RBFOX1: variants seen among roughly 807,000 people sequenced by gnomAD.
RBFOX1 encodes RNA binding fox-1 homolog 1, also known as RNA binding protein fox-1 homolog 1.
Under a neutral mutation model 57.7 loss-of-function variants are expected in RBFOX1, and 8 were observed. That is an observed-to-expected ratio of 0.14 (90% CI 0.08 to 0.25). The LOEUF is 0.25. RBFOX1 is among the 10% of genes least tolerant of loss of function. The probability of loss-of-function intolerance (pLI) is 1.00; values close to 1 mark genes in which losing one functional copy is unlikely to be tolerated. For synonymous variants in RBFOX1, 326 were observed against 222.4 expected (o/e 1.47, Z -4.15); for missense variants, 611 against 548.5 (o/e 1.11, Z -1.14).
intron 1 of RBFOX1, among the ~76,000 whole-genome samples, chr16:5,414,401 G>A (rs2067104796): frequency 6.6e-6 from 1 of 152,172 alleles, no homozygotes; most frequent in African/African-American, 2.4e-5. Flanking sequence ...AAGCAGAAAT[G>A]GCCATGCCAA....
chr16:6,926,739 G>A (rs974093521), intron 3 of RBFOX1, among the ~76,000 whole-genome samples: 3 of 152,162 alleles, frequency 2.0e-5, no homozygotes, highest in African/African-American at 4.8e-5. Context: ...GTGAAAGAGA[G>A]CACACTTCTT....
intron 4 of RBFOX1, among the ~76,000 whole-genome samples, chr16:7,114,094 G>A (rs951971934): frequency 1.3e-5 from 2 of 152,030 alleles, no homozygotes; most frequent in Non-Finnish European, 2.9e-5. Flanking sequence ...CTCAGACTTG[G>A]GCTATTTTAA....
intron 3 of RBFOX1, among the ~76,000 whole-genome samples, chr16:6,727,116 G>GTC (rs1223639232): frequency 1.2e-4 from 5 of 42,922 alleles, no homozygotes; most frequent in African/African-American, 2.3e-4. Context: ...AAATATATGT[G>GTC]TGTGTGTGTA....
At chr16:7,652,146 A>C (rs919378027) in intron 11 of RBFOX1, among the ~76,000 whole-genome samples, 11 of 152,146 alleles carry the variant, frequency 7.2e-5, no homozygotes, top group Admixed American at 6.5e-5. Context: ...GAGATGGGAC[A>C]AGTGTGGTCA....
At chr16:6,631,326 A>G (rs1465222539) in intron 2 of RBFOX1, among the ~76,000 whole-genome samples, 1 of 152,148 alleles carries the variant, frequency 6.6e-6, no homozygotes, top group Admixed American at 6.5e-5. Context: ...TTTAATGCAT[A>G]TTTAAGAAAA....
At chr16:7,577,966 A>C (rs2093464117) in intron 5 of RBFOX1, among the ~76,000 whole-genome samples, 1 of 152,272 alleles carries the variant, frequency 6.6e-6, no homozygotes, top group Admixed American at 6.5e-5. Flanking sequence ...GGTGTCATGC[A>C]CTAAAGTTGG....
At chr16:5,786,610 C>T (rs1413390797) in intron 3 of RBFOX1, among the ~76,000 whole-genome samples, 1 of 152,168 alleles carries the variant, frequency 6.6e-6, no homozygotes, top group Non-Finnish European at 1.5e-5. Flanking sequence ...CTGCACCTGT[C>T]TTGGTCCTAC....
chr16:7,197,530 G>A (rs1032636821), intron 4 of RBFOX1, among the ~76,000 whole-genome samples: 2 of 147,006 alleles, frequency 1.4e-5, no homozygotes, highest in Non-Finnish European at 3.0e-5. Context: ...CTTAAAAAAA[G>A]TTAAACATAA....
At chr16:5,625,260 G>C (rs998401762) in intron 3 of RBFOX1, among the ~76,000 whole-genome samples, 1 of 152,046 alleles carries the variant, frequency 6.6e-6, no homozygotes, top group Non-Finnish European at 1.5e-5. Flanking sequence ...ACCTGGGCGT[G>C]GTAGGGGCGT....
chr16:5,286,727 C>G (rs548198520), intron 1 of RBFOX1, among the ~76,000 whole-genome samples: 3 of 152,086 alleles, frequency 2.0e-5, no homozygotes, highest in Admixed American at 6.6e-5. Context: ...CATAAAGAGG[C>G]AAACGGTAAT....
rs546897364 is a variant in RBFOX1, at chr16:6,868,366, G to A, written c.-15-183691G>A. 1.1e-3 allele frequency among the ~76,000 whole-genome samples: 161 copies of A among 152,254 alleles called. 2 individuals carry two copies. The highest frequency in any genetic ancestry group is 9.4e-4 in the Non-Finnish European group (64 of 67,998). On this transcript the variant is annotated intron_variant, in intron 3 of 15. Transcript: ENST00000550418. ...TGATAAGTGTCTATAAAGGGATTAT[G>A]GATCTAGAGAAATTTCTGTAAGTTT...
intron 3 of RBFOX1, among the ~76,000 whole-genome samples, chr16:5,701,281 T>C (rs538068571): frequency 7.9e-5 from 12 of 152,270 alleles, no homozygotes; most frequent in Non-Finnish European, 1.3e-4. Context: ...TAACAGGTTA[T>C]GAAGACCTTG....
intron 4 of RBFOX1, among the ~76,000 whole-genome samples, chr16:7,335,584 G>GAAAA (rs959362612): frequency 2.5e-4 from 19 of 74,642 alleles, no homozygotes; most frequent in Admixed American, 4.1e-4. Flanking sequence ...CTCAGATAAA[G>GAAAA]AAAAAAAAAA....
chr16:7,193,792 G>T (rs538962689), intron 4 of RBFOX1, among the ~76,000 whole-genome samples: 1 of 152,130 alleles, frequency 6.6e-6, no homozygotes, highest in Non-Finnish European at 1.5e-5. Flanking sequence ...TAGCACAACA[G>T]GTCCTAGAAG....
intron 3 of RBFOX1, among the ~76,000 whole-genome samples, chr16:6,843,983 C>T (rs1312211083): frequency 6.6e-6 from 1 of 152,096 alleles, no homozygotes; most frequent in Non-Finnish European, 1.5e-5. Context: ...GTACAATTCA[C>T]TATTAACAAA....
At chr16:6,224,915 A>C (rs943665919) in intron 1 of RBFOX1, among the ~76,000 whole-genome samples, 3 of 150,870 alleles carry the variant, frequency 2.0e-5, no homozygotes, top group African/African-American at 7.3e-5. Flanking sequence ...CCTTCTTGGG[A>C]GGCTGAGGCA....
chr16:7,598,996 T>G (rs1317915270), intron 9 of RBFOX1, among the ~76,000 whole-genome samples: 1 of 152,212 alleles, frequency 6.6e-6, no homozygotes, highest in Non-Finnish European at 1.5e-5. Flanking sequence ...GGGGCATCAT[T>G]CAACAGGGAC....
chr16:6,337,933 A>T (rs1043080670), intron 2 of RBFOX1, among the ~76,000 whole-genome samples: 1 of 152,214 alleles, frequency 6.6e-6, no homozygotes, highest in Non-Finnish European at 1.5e-5. Context: ...GTCCCAATGC[A>T]TGCCAAATCA....
chr16:6,957,116 T>TTTATTTATTTATTTATTTA (rs1555677709), intron 3 of RBFOX1, among the ~76,000 whole-genome samples: 15 of 139,252 alleles, frequency 1.1e-4, no homozygotes, highest in African/African-American at 3.3e-4. Flanking sequence ...TTATTTTTAT[T>TTTATTTATTTATTTATTTA]TTTATTTATT....
Sources: gnomAD v4.1 joint callset for allele counts (sites outside exome capture counted in the v4.1 genomes callset) on GRCh38, gnomAD v4.1.1 for gene constraint, MANE v1.5 for transcripts, NCBI Gene and HGNC (gene_info 2026-07-23, HGNC 2026-07-21) for gene names.